The following LGSN variants were observed in gnomAD, a reference collection of about 807,000 sequenced individuals.
LGSN encodes lengsin, lens protein with glutamine synthetase domain.
LGSN carries 21 observed loss-of-function variants against 19.5 expected under a neutral mutation model. The observed-to-expected ratio is 1.07, with a 90% CI of 0.76 to 1.55. LGSN has a LOEUF of 1.55. LGSN is among the 40% of genes most tolerant of loss of function. The pLI, the probability that LGSN is intolerant of heterozygous loss-of-function variation, is 0.00. For synonymous variants in LGSN, 257 were observed against 215.6 expected, an observed-to-expected ratio of 1.19 and a Z score of -1.68; for missense variants, 673 against 608.5, an observed-to-expected ratio of 1.11 and a Z score of -1.12.
At chr6:63,433,984 T>A in the LGSN span, among the ~76,000 whole-genome samples, 2 of 152,200 alleles carry the variant, frequency 1.3e-5, no homozygotes, top group Non-Finnish European at 2.9e-5. Flanking sequence ...AACATTTTTT[T>A]ACAAAGGAGT....
At chr6:63,458,899 G>T in the LGSN span, among the ~76,000 whole-genome samples, 2 of 152,172 alleles carry the variant, frequency 1.3e-5, no homozygotes, top group African/African-American at 4.8e-5. Flanking sequence ...ACTTTTACTG[G>T]AAGAGACAAA....
chr6:63,426,395 C>T, the LGSN span, among the ~76,000 whole-genome samples: 1 of 152,240 alleles, frequency 6.6e-6, no homozygotes, highest in Admixed American at 6.5e-5. Flanking sequence ...CCCTCAACTA[C>T]TTCCCGCCCT....
chr6:63,501,853 G>A, the LGSN span, among the ~76,000 whole-genome samples: 1 of 152,168 alleles, frequency 6.6e-6, no homozygotes. Flanking sequence ...CTAGAGTGCA[G>A]TGGCACGATC....
the LGSN span, among the ~76,000 whole-genome samples, chr6:63,568,991 A>G: frequency 9.2e-5 from 14 of 152,072 alleles, no homozygotes; most frequent in African/African-American, 2.7e-4. Flanking sequence ...CTAGGTTGAT[A>G]TTGTCACGTT....
At chr6:63,416,103 A>C in the LGSN span, among the ~76,000 whole-genome samples, 14 of 151,266 alleles carry the variant, frequency 9.3e-5, no homozygotes, top group Admixed American at 3.9e-4. Context: ...TTCCATTTCC[A>C]AGGGAGATGC....
the LGSN span, among the ~76,000 whole-genome samples, chr6:63,495,696 C>T: frequency 6.6e-5 from 10 of 151,664 alleles, no homozygotes; most frequent in Non-Finnish European, 1.2e-4. Flanking sequence ...GAGATCTGCC[C>T]GTCTTAGCCT....
the LGSN span, among the ~76,000 whole-genome samples, chr6:63,559,518 G>T: frequency 6.6e-6 from 1 of 152,044 alleles, no homozygotes. Context: ...AGGCCGAGGT[G>T]GGCGGATCAT....
At chr6:63,437,166 GGGAGGGAA>G in the LGSN span, among the ~76,000 whole-genome samples, 159 of 147,200 alleles carry the variant, frequency 1.1e-3, no homozygotes, top group Middle Eastern at 3.5e-3. Flanking sequence ...AAGGGAGGGA[GGGAGGGAA>G]GGAGGGAAGG....
chr6:63,337,968 C>T, the LGSN span, among the ~76,000 whole-genome samples: 1 of 152,070 alleles, frequency 6.6e-6, no homozygotes, highest in African/African-American at 2.4e-5. Context: ...TCACTGCAAC[C>T]TCCACCTCCC....
At chr6:63,325,622 G>A in the LGSN span, among the ~76,000 whole-genome samples, 1 of 152,132 alleles carries the variant, frequency 6.6e-6, no homozygotes, top group Non-Finnish European at 1.5e-5. Context: ...GTGGGTTCTG[G>A]GTCTCACTGA....
chr6:63,444,104 A>G, the LGSN span, among the ~76,000 whole-genome samples: 1 of 152,136 alleles, frequency 6.6e-6, no homozygotes, highest in African/African-American at 2.4e-5. Context: ...GGCTTGTTTC[A>G]TTACTGGATG....
At chr6:63,297,953 G>A (rs895064113) in intron 1 of LGSN, among the ~76,000 whole-genome samples, 6 of 152,124 alleles carry the variant, frequency 3.9e-5, no homozygotes, top group Non-Finnish European at 1.5e-5. Flanking sequence ...GTACCAAGAT[G>A]GAAATCTTCT....
the LGSN span, among the ~76,000 whole-genome samples, chr6:63,458,787 A>G: frequency 2.0e-5 from 3 of 152,240 alleles, no homozygotes; most frequent in African/African-American, 7.2e-5. Flanking sequence ...CTAGGTTGTG[A>G]CACTGAAATC....
the LGSN span, among the ~76,000 whole-genome samples, chr6:63,357,988 C>A: frequency 2.7e-4 from 41 of 152,084 alleles, no homozygotes; most frequent in South Asian, 1.9e-3. Flanking sequence ...AGTCTTTAAT[C>A]CATCTTGAAT....
chr6:63,458,426 T>A, the LGSN span, among the ~76,000 whole-genome samples: 4 of 152,218 alleles, frequency 2.6e-5, no homozygotes, highest in East Asian at 7.7e-4. Flanking sequence ...GCTGTGCCTA[T>A]AATTTTCTAG....
chr6:63,388,926 A>G, the LGSN span, among the ~76,000 whole-genome samples: 1 of 152,246 alleles, frequency 6.6e-6, no homozygotes, highest in African/African-American at 2.4e-5. Flanking sequence ...AACCATGTAC[A>G]GTCACTCAAA....
the LGSN span, among the ~76,000 whole-genome samples, chr6:63,412,471 AG>A: frequency 1.8e-4 from 25 of 135,342 alleles, no homozygotes; most frequent in South Asian, 4.5e-4. Context: ...AGAAAAAGAG[AG>A]AGAAGAAAGA....
chr6:63,366,622 G>A, the LGSN span, among the ~76,000 whole-genome samples: 39 of 152,082 alleles, frequency 2.6e-4, no homozygotes, highest in East Asian at 2.3e-3. Flanking sequence ...AAAAGAGCCC[G>A]CATTGCCAAG....
chr6:63,539,141 A>G, the LGSN span, among the ~76,000 whole-genome samples: 23 of 152,060 alleles, frequency 1.5e-4, no homozygotes, highest in Non-Finnish European at 3.2e-4. Flanking sequence ...TGGTCCACCC[A>G]CCTTGGCTTC....
Sources: allele counts gnomAD v4.1 joint callset (sites outside exome capture counted in the v4.1 genomes callset), GRCh38; gene constraint gnomAD v4.1.1; transcripts MANE v1.5; gene names NCBI Gene and HGNC (gene_info 2026-07-23, HGNC 2026-07-21).